Variants in DNAH12 observed in about 807,000 individuals in gnomAD.
The protein encoded by DNAH12 is dynein axonemal heavy chain 12, also known as axonemal beta dynein heavy chain 12.
Under a neutral mutation model 371.5 loss-of-function variants are expected in DNAH12, and 285 were observed. That is an observed-to-expected ratio of 0.77 (90% confidence interval 0.70 to 0.85). The LOEUF (loss-of-function observed/expected upper bound fraction) is 0.85. DNAH12 is among the 40% of genes least tolerant of loss of function. The pLI, the probability that DNAH12 is intolerant of heterozygous loss-of-function variation, is 0.00. For missense variants in DNAH12, 3,611 were observed against 3,689.4 expected (o/e 0.98, Z 0.55); for synonymous variants, 1,200 against 1,213.0 (o/e 0.99, Z 0.22).
At chr3:57,296,482 C>A in intron 71 of DNAH12, 47 bp from the exon 72 acceptor site, 1 of 1,402,578 alleles carries the variant, frequency 7.1e-7, no homozygotes, top group Non-Finnish European at 9.8e-7. Flanking sequence ...CAGACAACTT[C>A]ATCTCATAAA....
chr3:57,374,456 CAA>C (rs1460425647), intron 55 of DNAH12, among the ~76,000 whole-genome samples: 3 of 151,930 alleles, frequency 2.0e-5, no homozygotes, highest in African/African-American at 7.3e-5. Context: ...CCAAGTTTTT[CAA>C]AGTGATATAA....
intron 65 of DNAH12, among the ~76,000 whole-genome samples, chr3:57,318,114 G>C (rs1606523): frequency 2.6e-5 from 4 of 151,986 alleles, no homozygotes; most frequent in African/African-American, 9.7e-5. Flanking sequence ...CCATTCCTTA[G>C]GTTGGCTTTT....
chr3:57,327,158 G>A (rs1464699980), intron 62 of DNAH12, among the ~76,000 whole-genome samples: 1 of 152,088 alleles, frequency 6.6e-6, no homozygotes, highest in Non-Finnish European at 1.5e-5. Flanking sequence ...CAACGAGACA[G>A]AAAGTCAACA....
chr3:57,428,966 C>G, intron 33 of DNAH12, 145 bp from the exon 34 acceptor site: 2 of 740,600 alleles, frequency 2.7e-6, no homozygotes, highest in Non-Finnish European at 4.0e-6. Flanking sequence ...TCTAGACGTT[C>G]CCCATACAGA....
chr3:57,365,518 C>T (rs923991726), intron 57 of DNAH12, among the ~76,000 whole-genome samples: 4 of 152,010 alleles, frequency 2.6e-5, no homozygotes, highest in African/African-American at 9.7e-5. Context: ...GGCTTAATAC[C>T]TAGGTGATGG....
chr3:57,431,381 T>G (rs578063292), intron 32 of DNAH12, among the ~76,000 whole-genome samples: 3 of 152,190 alleles, frequency 2.0e-5, no homozygotes. Context: ...CTTGACCACC[T>G]TGCTCCACTC....
In DNAH12 at chr3:57,352,214, T is replaced by C. The variant is rs2062693352; in HGVS notation, c.9545A>G (p.Lys3182Arg). 2 of 1,530,816 alleles carry C rather than the reference T, an allele frequency of 1.3e-6. No individual in the cohort carries two copies. The highest frequency in any genetic ancestry group is 1.8e-6 in the Non-Finnish European group (2 of 1,142,368). 94.8% of individuals were successfully genotyped at this position (1,530,816 alleles called of 1,614,324 possible). ...ATATCGTAGGCGCTTTTCCAAAATC[T>C]TGGATTTGTTACTAAAGTTAAAAAG... is the stretch of plus-strand genomic sequence containing the variant. The part of the protein sequence containing the change: ...INSIHDSNKS[K>R]ILEKRLRYLN... The change falls in exon 60 of 74, where the codon AAG becomes AGG. Residue 3182 changes from lysine to arginine, a missense_variant. Lys to Arg is a conservative substitution (Grantham distance 26). Around this residue, in one of 3 missense-constraint regions of DNAH12, gnomAD observed 2,266 missense variants for 2,236.9 expected, o/e 1.01. Transcript: ENST00000495027.
chr3:57,399,205 C>T (rs1348040516), intron 43 of DNAH12, among the ~76,000 whole-genome samples: 1 of 151,676 alleles, frequency 6.6e-6, no homozygotes, highest in Non-Finnish European at 1.5e-5. Flanking sequence ...ATAAAGAATG[C>T]CCCTACAAAT....
rs553298211 is a variant in DNAH12 at position 57,419,420 on chromosome 3, C to T, written c.5661G>A (p.Thr1887=). The T allele has an allele frequency of 5.3e-6, 8 of 1,511,364 alleles. No individual in the cohort carries two copies. Among genetic ancestry groups the T allele is most frequent in the Admixed American group, 2.3e-5 (1 of 42,738 alleles). 93.6% of individuals were successfully genotyped at this position (1,511,364 alleles called of 1,614,324 possible). A position where few individuals can be genotyped will look rare whatever the true frequency, so the allele number is the denominator to read the frequency against. Residue 1887 remains threonine, a synonymous_variant, in exon 37 of 74, where the codon ACG becomes ACA. Coordinates refer to ENST00000495027, the MANE Select transcript of DNAH12 (RefSeq NM_001366028.2). The part of the protein sequence containing the change: ...QIKIQDIIVP[T]MDTIRYTFLM... ...GAAACGTATATCTAATTGTGTCCAT[C>T]GTAGGGACTATGATATCTTGAATCT...
chr3:57,468,698 T>C, intron 17 of DNAH12, 38 bp downstream of exon 17: 2 of 1,206,726 alleles, frequency 1.7e-6, no homozygotes, highest in Non-Finnish European at 2.2e-6. Flanking sequence ...GTTGAGAAGA[T>C]AGCTATAATA....
upstream of DNAH12, chr3:57,548,848 C>A (rs1022744453): frequency 2.0e-5 from 3 of 152,166 alleles, no homozygotes; most frequent in Non-Finnish European, 4.4e-5. Context: ...GTGCTCATTT[C>A]GGCAGCACAT....
intron 35 of DNAH12, among the ~76,000 whole-genome samples, chr3:57,422,530 C>G (rs1327929662): frequency 6.6e-6 from 1 of 152,154 alleles, no homozygotes; most frequent in Admixed American, 6.5e-5. Flanking sequence ...TGGCTGGGTA[C>G]AGTGGTTCAC....
rs575867101 is a variant in DNAH12 at position 57,465,104 on chromosome 3, G to A, written c.2350-2229C>T. Among the ~76,000 whole-genome samples, 5 of 152,300 alleles carry A rather than the reference G, an allele frequency of 3.3e-5. No individual in the cohort carries two copies. In the East Asian group the frequency reaches 5.8e-4, roughly 18 times the overall value. On this transcript the variant is annotated intron_variant, in intron 17 of 73. Transcript: ENST00000495027. ...AGCCCTTGCTCTTTCTCTCTAACGC[G>A]AGATTGGCCCACATTAGCTCAGGAC...
At chr3:57,436,611 C>T (rs1287430795) in intron 30 of DNAH12, among the ~76,000 whole-genome samples, 1 of 152,216 alleles carries the variant, frequency 6.6e-6, no homozygotes, top group East Asian at 1.9e-4. Context: ...GATACAAAGG[C>T]TACCATGCAT....
chr3:57,338,028 C>T (rs781916222), intron 60 of DNAH12, among the ~76,000 whole-genome samples: 1 of 152,336 alleles, frequency 6.6e-6, no homozygotes, highest in Non-Finnish European at 1.5e-5. Flanking sequence ...TCTCTTCTCT[C>T]TCTTTCCACG....
intron 11 of DNAH12, chr3:57,498,204 T>C (rs1232004748): frequency 3.2e-6 from 1 of 310,176 alleles, no homozygotes; most frequent in Non-Finnish European, 5.9e-6. Context: ...AAAACAATAG[T>C]AAAAAGTAAA....
At chr3:57,301,550 C>T (rs2061345701) in intron 70 of DNAH12, among the ~76,000 whole-genome samples, 185 bp downstream of exon 70, 1 of 151,996 alleles carries the variant, frequency 6.6e-6, no homozygotes, top group Non-Finnish European at 1.5e-5. Context: ...CACAAAGCTA[C>T]TCATCACATT....
intron 33 of DNAH12, 150 bp from the exon 34 acceptor site, chr3:57,428,971 T>A: frequency 1.5e-6 from 1 of 689,610 alleles, no homozygotes; most frequent in East Asian, 3.1e-5. Flanking sequence ...ACGTTCCCCA[T>A]ACAGAAAACT....
At chr3:57,366,471 C>T (rs1488385326) in intron 57 of DNAH12, among the ~76,000 whole-genome samples, 5 of 152,124 alleles carry the variant, frequency 3.3e-5, no homozygotes, top group African/African-American at 9.7e-5. Context: ...GCAACCCTTT[C>T]GTGGAGTCTG....
Sources: allele counts gnomAD v4.1 joint callset (sites outside exome capture counted in the v4.1 genomes callset), GRCh38; gene constraint gnomAD v4.1.1; regional missense constraint gnomAD v4.1.1; transcripts MANE v1.5; gene names NCBI Gene and HGNC (gene_info 2026-07-23, HGNC 2026-07-21).